The following ERG variants were observed in gnomAD, a reference collection of about 807,000 sequenced individuals.
ERG encodes the protein ETS transcription factor ERG.
Under a neutral mutation model 55.3 loss-of-function variants are expected in ERG, and 9 were observed. That is an observed-to-expected ratio of 0.16 (90% CI 0.10 to 0.28). The LOEUF (loss-of-function observed/expected upper bound fraction) is 0.28, where lower values mean the gene tolerates loss of function less well. ERG is among the 10% of genes least tolerant of loss of function. The probability of loss-of-function intolerance (pLI) is 1.00; values close to 1 mark genes in which losing one functional copy is unlikely to be tolerated. For synonymous variants in ERG, 223 were observed against 237.3 expected, an observed-to-expected ratio of 0.94 and a Z score of 0.55; for missense variants, 434 against 631.6, an observed-to-expected ratio of 0.69 and a Z score of 3.35.
chr21:38,478,756 C>T (rs2059211566), intron 1 of ERG, among the ~76,000 whole-genome samples: 1 of 152,178 alleles, frequency 6.6e-6, no homozygotes, highest in African/African-American at 2.4e-5. Context: ...TAGTGTTTGA[C>T]AATAATATTA....
At chr21:38,631,407 C>G (rs2836578) in intron 1 of ERG, among the ~76,000 whole-genome samples, 1 of 151,942 alleles carries the variant, frequency 6.6e-6, no homozygotes, top group Non-Finnish European at 1.5e-5. Context: ...AACGCCCACA[C>G]GTCTCGTCTC....
intron 2 of ERG, among the ~76,000 whole-genome samples, chr21:38,429,361 T>C (rs114531663): frequency 3.7e-4 from 51 of 138,934 alleles, no homozygotes; most frequent in African/African-American, 1.3e-3. Context: ...TATACATATA[T>C]AATATGTACA....
chr21:38,482,873 T>G (rs928474763), intron 1 of ERG, among the ~76,000 whole-genome samples: 3 of 152,182 alleles, frequency 2.0e-5, no homozygotes, highest in Non-Finnish European at 4.4e-5. Context: ...AGACGGGCTT[T>G]CACCATGTTG....
At chr21:38,493,435 T>C (rs1019575253) in intron 1 of ERG, among the ~76,000 whole-genome samples, 2 of 152,144 alleles carry the variant, frequency 1.3e-5, no homozygotes, top group East Asian at 3.9e-4. Flanking sequence ...CATATCCCAA[T>C]TGTTAGGAAT....
At chr21:38,528,003 C>T (rs2059642331) in intron 2 of ERG, among the ~76,000 whole-genome samples, 1 of 152,194 alleles carries the variant, frequency 6.6e-6, no homozygotes, top group Admixed American at 6.5e-5. Flanking sequence ...ATCAAGGTGT[C>T]AGCAGGGCTG....
At chr21:38,629,659 C>G (rs920962730) in intron 1 of ERG, among the ~76,000 whole-genome samples, 2 of 152,090 alleles carry the variant, frequency 1.3e-5, no homozygotes, top group African/African-American at 4.8e-5. Flanking sequence ...CTGGTGGGAG[C>G]ATGAAATAGT....
rs1319302073 is a variant in ERG at position 38,429,413 on chromosome 21, AC to A, written c.237-5853del. ...TACACATATACACATGTACATACGC[AC>A]ATATAAACATGTGTGTATACATGTA... On this transcript the variant is annotated intron_variant, in intron 2 of 9. Coordinates refer to ENST00000288319, the MANE Select transcript of ERG (RefSeq NM_182918.4). 5.6e-5 allele frequency among the ~76,000 whole-genome samples: 7 copies of A among 124,906 alleles called. 3 individuals are homozygous for A. Among genetic ancestry groups the A allele is most frequent in the Non-Finnish European group, 3.7e-5 (2 of 54,618 alleles). The allele number at this position is 124,906 out of a possible 152,430, so 81.9% of individuals were successfully genotyped here.
At chr21:38,373,133 G>A in the ERG span, among the ~76,000 whole-genome samples, 7 of 152,128 alleles carry the variant, frequency 4.6e-5, no homozygotes, top group Non-Finnish European at 1.0e-4. Context: ...GCATAACCAA[G>A]GCTTCAGCTC....
chr21:38,523,184 T>C (rs2059606965), intron 2 of ERG, among the ~76,000 whole-genome samples: 1 of 152,132 alleles, frequency 6.6e-6, no homozygotes, highest in Non-Finnish European at 1.5e-5. Context: ...CACACTTAGG[T>C]AGCAAAAAGG....
intron 1 of ERG, among the ~76,000 whole-genome samples, chr21:38,610,123 A>G (rs1054079291): frequency 6.6e-6 from 1 of 152,222 alleles, no homozygotes; most frequent in Non-Finnish European, 1.5e-5. Flanking sequence ...TTGCAATTTA[A>G]CATAGCAACG....
intron 2 of ERG, among the ~76,000 whole-genome samples, chr21:38,530,128 C>A (rs2059661739): frequency 6.6e-6 from 1 of 152,046 alleles, no homozygotes; most frequent in Non-Finnish European, 1.5e-5. Flanking sequence ...GGTGCGAACT[C>A]AGCTCACTGC....
At chr21:38,604,184 G>T (rs1601302926) in intron 1 of ERG, among the ~76,000 whole-genome samples, 1 of 151,352 alleles carries the variant, frequency 6.6e-6, no homozygotes, top group East Asian at 1.9e-4. Flanking sequence ...AACCCGGGAG[G>T]CGGAGCTTGC....
intron 1 of ERG, among the ~76,000 whole-genome samples, chr21:38,649,732 C>A (rs2060477579): frequency 6.6e-6 from 1 of 152,222 alleles, no homozygotes; most frequent in Admixed American, 6.5e-5. Flanking sequence ...AAAGGGCTCA[C>A]ACCTAGTGGC....
intron 2 of ERG, among the ~76,000 whole-genome samples, chr21:38,567,972 T>C (rs951196450): frequency 2.0e-5 from 3 of 152,188 alleles, no homozygotes; most frequent in African/African-American, 7.2e-5. Context: ...AAGTTTAGCG[T>C]CTTTTATGGT....
At chr21:38,592,383 C>T (rs1228239851) in intron 1 of ERG, among the ~76,000 whole-genome samples, 1 of 152,118 alleles carries the variant, frequency 6.6e-6, no homozygotes, top group African/African-American at 2.4e-5. Flanking sequence ...AGCTGTGAAG[C>T]CAGCATAGCC....
chr21:38,581,825 C>T (rs944259520), intron 1 of ERG, among the ~76,000 whole-genome samples: 1 of 152,150 alleles, frequency 6.6e-6, no homozygotes, highest in East Asian at 1.9e-4. Flanking sequence ...GGGTGGATCA[C>T]GAGGTCAGGA....
At chr21:38,562,971 A>AAGAC (rs1164618145) in intron 2 of ERG, among the ~76,000 whole-genome samples, 2 of 152,240 alleles carry the variant, frequency 1.3e-5, no homozygotes, top group Non-Finnish European at 2.9e-5. Context: ...AAGCCATGAA[A>AAGAC]AGACGAGGAG....
At chr21:38,384,311 A>G (rs1207672335) in intron 9 of ERG, among the ~76,000 whole-genome samples, 1 of 152,172 alleles carries the variant, frequency 6.6e-6, no homozygotes, top group Non-Finnish European at 1.5e-5. Context: ...GAGGCCAGAA[A>G]CTTCCTTAGC....
intron 5 of ERG, 108 bp downstream of exon 5, chr21:38,402,449 C>T (rs1988538167): frequency 5.3e-6 from 4 of 755,454 alleles, no homozygotes; most frequent in African/African-American, 1.8e-5. Context: ...AATCATCTAC[C>T]TGCGTTCTGT....
Sources: allele counts gnomAD v4.1 joint callset (sites outside exome capture counted in the v4.1 genomes callset), GRCh38; gene constraint gnomAD v4.1.1; transcripts MANE v1.5; gene names NCBI Gene and HGNC (gene_info 2026-07-23, HGNC 2026-07-21).